PPP3R1: variants seen among roughly 807,000 people sequenced by gnomAD.
PPP3R1 encodes the protein calcineurin subunit B type 1.
Under a neutral mutation model 22.6 loss-of-function variants are expected in PPP3R1, and 5 were observed. That is an observed-to-expected ratio of 0.22 (90% confidence interval 0.12 to 0.46). The LOEUF is 0.46. PPP3R1 is among the 20% of genes least tolerant of loss of function. The probability of loss-of-function intolerance (pLI) is 0.99; values close to 1 mark genes in which losing one functional copy is unlikely to be tolerated. For synonymous variants in PPP3R1, 56 were observed against 65.2 expected (o/e 0.86, Z 0.68); for missense variants, 61 against 203.2 (o/e 0.30, Z 4.25).
intron 2 of PPP3R1, among the ~76,000 whole-genome samples, chr2:68,200,835 T>C (rs1440815215): frequency 6.6e-6 from 1 of 152,178 alleles, no homozygotes; most frequent in African/African-American, 2.4e-5. Flanking sequence ...AACCCTTCTC[T>C]CAACATGTAT....
chr2:68,201,679 C>T (rs1674977352), intron 2 of PPP3R1, among the ~76,000 whole-genome samples: 1 of 152,144 alleles, frequency 6.6e-6, no homozygotes, highest in Non-Finnish European at 1.5e-5. Context: ...TTCAAGAACT[C>T]GTTTAAGTTA....
intron 2 of PPP3R1, among the ~76,000 whole-genome samples, chr2:68,202,947 C>A (rs1675016963): frequency 6.6e-6 from 1 of 151,966 alleles, no homozygotes; most frequent in Non-Finnish European, 1.5e-5. Flanking sequence ...GGACTACAGG[C>A]ACCCACCACC....
intron 1 of PPP3R1, among the ~76,000 whole-genome samples, chr2:68,248,071 T>C (rs1670269652): frequency 6.6e-6 from 1 of 152,154 alleles, no homozygotes; most frequent in African/African-American, 2.4e-5. Context: ...TGATCTAGTG[T>C]CAATCCACCA....
At chr2:68,205,504 G>A (rs1380635496) in intron 2 of PPP3R1, among the ~76,000 whole-genome samples, 1 of 151,996 alleles carries the variant, frequency 6.6e-6, no homozygotes, top group African/African-American at 2.4e-5. Context: ...CCAAAGTGCT[G>A]GGATTACAGG....
intron 5 of PPP3R1, among the ~76,000 whole-genome samples, chr2:68,184,149 G>C (rs1407625888): frequency 6.6e-6 from 1 of 152,212 alleles, no homozygotes; most frequent in East Asian, 1.9e-4. Flanking sequence ...CTGTCCAGGG[G>C]AACAGAGTAG....
chr2:68,198,401 A>G (rs58386060), intron 2 of PPP3R1, among the ~76,000 whole-genome samples: 5,779 of 59,448 alleles, frequency 0.097, 938 homozygotes, highest in African/African-American at 0.33. Context: ...ATGTATATAT[A>G]TGTGTATGTA....
rs534434191 is a variant in PPP3R1 at position 68,198,208 on chromosome 2, ATACATATATACATTT to A, written c.44-9533_44-9519del. Among the ~76,000 whole-genome samples the A allele has an allele frequency of 3.6e-3, 505 of 140,430 alleles. 2 individuals carry two copies. Among genetic ancestry groups the A allele is most frequent in the African/African-American group, 0.013 (489 of 38,886 alleles). 92.1% of individuals were successfully genotyped at this position (140,430 alleles called of 152,430 possible). On this transcript the variant is annotated intron_variant, in intron 2 of 5. Transcript: ENST00000234310. ...ATAATATATATTTACATATATGTGC[ATACATATATACATTT>A]TACATATATGTATACACATATGTAC...
At chr2:68,244,251 GATTT>G (rs1356493692) in intron 1 of PPP3R1, among the ~76,000 whole-genome samples, 1 of 152,166 alleles carries the variant, frequency 6.6e-6, no homozygotes, top group Non-Finnish European at 1.5e-5. Flanking sequence ...CTGTTTTCTA[GATTT>G]ATTTCCTAGG....
intron 1 of PPP3R1, among the ~76,000 whole-genome samples, chr2:68,229,977 C>CACACACACACAT (rs1346056966): frequency 2.7e-5 from 1 of 36,906 alleles, no homozygotes; most frequent in Non-Finnish European, 4.3e-5. Context: ...CACACATACA[C>CACACACACACAT]ACACACACAC....
At chr2:68,217,655 T>G (rs950840884) in intron 1 of PPP3R1, among the ~76,000 whole-genome samples, 4 of 152,110 alleles carry the variant, frequency 2.6e-5, no homozygotes, top group Admixed American at 6.6e-5. Context: ...AAAACATTAA[T>G]GGAAAGGTGA....
intron 1 of PPP3R1, among the ~76,000 whole-genome samples, chr2:68,229,816 T>C (rs934305052): frequency 2.6e-5 from 4 of 152,012 alleles, no homozygotes; most frequent in African/African-American, 4.8e-5. Flanking sequence ...AATCATATGA[T>C]TGGGTAATGT....
At chr2:68,189,072 G>A (rs1438677536) in intron 2 of PPP3R1, among the ~76,000 whole-genome samples, 1 of 152,010 alleles carries the variant, frequency 6.6e-6, no homozygotes, top group Non-Finnish European at 1.5e-5. Context: ...CTACCAGACA[G>A]GTTCAATCAA....
At chr2:68,183,901 C>T (rs780943312) in intron 5 of PPP3R1, among the ~76,000 whole-genome samples, 2 of 152,102 alleles carry the variant, frequency 1.3e-5, no homozygotes, top group Non-Finnish European at 2.9e-5. Context: ...GATCTGGTAG[C>T]ACCATTTCTT....
intron 1 of PPP3R1, among the ~76,000 whole-genome samples, chr2:68,226,348 TA>T (rs1669780685): frequency 1.3e-5 from 2 of 152,204 alleles, no homozygotes; most frequent in Admixed American, 1.3e-4. Context: ...AGCTGATTTT[TA>T]TAACTCAAAA....
intron 5 of PPP3R1, among the ~76,000 whole-genome samples, 184 bp downstream of exon 5, chr2:68,186,284 G>C (rs544636935): frequency 1.5e-5 from 2 of 132,012 alleles, no homozygotes; most frequent in Admixed American, 7.8e-5. Flanking sequence ...AAGTAAAGTA[G>C]TATCCTTGGG....
intron 1 of PPP3R1, among the ~76,000 whole-genome samples, chr2:68,250,039 G>A (rs1170623784): frequency 1.3e-5 from 2 of 152,086 alleles, no homozygotes; most frequent in Non-Finnish European, 2.9e-5. Context: ...TATGGGTATG[G>A]TCTTGATACT....
intron 2 of PPP3R1, among the ~76,000 whole-genome samples, chr2:68,203,135 A>G (rs1675022053): frequency 6.6e-6 from 1 of 152,222 alleles, no homozygotes; most frequent in Non-Finnish European, 1.5e-5. Flanking sequence ...CTCAGTGACT[A>G]GGTGAATTAA....
At chr2:68,192,039 A>G (rs551598189) in intron 2 of PPP3R1, among the ~76,000 whole-genome samples, 61 of 152,302 alleles carry the variant, frequency 4.0e-4, no homozygotes, top group African/African-American at 1.4e-3. Flanking sequence ...TGGTTTTAAT[A>G]ATGTTTTAAG....
intron 1 of PPP3R1, among the ~76,000 whole-genome samples, chr2:68,222,579 C>T (rs1231527867): frequency 2.0e-5 from 3 of 152,152 alleles, no homozygotes; most frequent in African/African-American, 4.8e-5. Context: ...TTTTCCTTAC[C>T]TCAATGCCCC....
Sources: gnomAD v4.1 joint callset for allele counts (sites outside exome capture counted in the v4.1 genomes callset) on GRCh38, gnomAD v4.1.1 for gene constraint, MANE v1.5 for transcripts, NCBI Gene and HGNC (gene_info 2026-07-23, HGNC 2026-07-21) for gene names.